Variants in LTV1 observed in about 807,000 individuals in gnomAD.
LTV1 encodes the protein LTV1 ribosome biogenesis factor, also known as protein LTV1 homolog.
In LTV1, 39 loss-of-function variants were observed where a neutral mutation model predicts 59.9. The ratio of observed to expected loss-of-function variants is 0.65; its 90% CI spans 0.50 to 0.85. The LOEUF is 0.85. LTV1 is among the 40% of genes least tolerant of loss of function. The pLI is 0.00. For synonymous variants in LTV1, 171 were observed against 189.5 expected (o/e 0.90, Z 0.80); for missense variants, 493 against 549.1 (o/e 0.90, Z 1.02).
chr6:143,857,223 A>T lies in LTV1; in HGVS notation c.398-80A>T. On this transcript the variant is annotated intron_variant, in intron 4 of 10. Coordinates refer to ENST00000367576, the MANE Select transcript of LTV1 (RefSeq NM_032860.5). This position sits in a 1 kb window ranked among gnomAD's most constrained non-coding sequence, Gnocchi z 5.2. ...AATATATTAATAGACTCTTGCTATC[A>T]TAGGTCCTTATATTGTGAGTTAAGT... 2 of 1,525,210 alleles carry T rather than the reference A, an allele frequency of 1.3e-6. No individual in the cohort carries two copies. The highest frequency in any genetic ancestry group is 1.7e-5 in the Admixed American group (1 of 57,460). 94.5% of individuals were successfully genotyped at this position (1,525,210 alleles called of 1,614,324 possible).
In LTV1 at chr6:143,855,195, A is replaced by G. The variant is rs963517202; in HGVS notation, c.398-2108A>G. Among the ~76,000 whole-genome samples the G allele has an allele frequency of 6.6e-6, 1 of 152,150 alleles. No homozygotes were observed. The highest frequency in any genetic ancestry group is 2.4e-5 in the African/African-American group (1 of 41,430). ...TTGTTGCATTGTTCCCTTTACTATTATGTAATGCCCTTCTTTGTGTTTTTT... is the reference window on the plus strand; with the variant it reads ...TTGTTGCATTGTTCCCTTTACTATTGTGTAATGCCCTTCTTTGTGTTTTTT... On this transcript the variant is annotated intron_variant, in intron 4 of 10. Transcript: ENST00000367576. The surrounding 1 kb of genome is among the most constrained non-coding windows in gnomAD (Gnocchi z 4.6).
intron 2 of LTV1, among the ~76,000 whole-genome samples, chr6:143,845,655 G>A (rs1582933028): frequency 1.3e-5 from 2 of 152,320 alleles, no homozygotes; most frequent in East Asian, 1.9e-4. Context: ...TGGGATTATA[G>A]GCATGAGCCA....
chr6:143,863,668 C>G lies in LTV1; in HGVS notation c.*141C>G. ...ATACAATATTTGTATTATTTTTATA[C>G]TAGTAAGTGTCCCCTGCCAACCATC... On this transcript the variant is annotated 3_prime_UTR_variant, in exon 11 of 11. Coordinates refer to ENST00000367576, the MANE Select transcript of LTV1 (RefSeq NM_032860.5). The surrounding 1 kb of genome is among the most constrained non-coding windows in gnomAD (Gnocchi z 4.5). 1 of 516,270 alleles carries G rather than the reference C, an allele frequency of 1.9e-6. No homozygotes were observed. Among genetic ancestry groups the G allele is most frequent in the Non-Finnish European group, 3.5e-6 (1 of 287,900 alleles). The allele number at this position is 516,270 out of a possible 1,614,324, so 32.0% of individuals were successfully genotyped here.
intron 3 of LTV1, among the ~76,000 whole-genome samples, chr6:143,848,427 C>T (rs1297397138): frequency 6.6e-6 from 1 of 152,134 alleles, no homozygotes; most frequent in Non-Finnish European, 1.5e-5. Flanking sequence ...TACTGAGAAA[C>T]TCATTTTGGA....
At chr6:143,859,437 T>C (rs1449101717) in intron 6 of LTV1, among the ~76,000 whole-genome samples, 1 of 152,230 alleles carries the variant, frequency 6.6e-6, no homozygotes, top group East Asian at 1.9e-4. Context: ...GAGAGTTCTT[T>C]GTATTTTGCT....
intron 1 of LTV1, 99 bp from the exon 2 acceptor site, chr6:143,844,387 C>G: frequency 7.6e-7 from 1 of 1,312,610 alleles, no homozygotes; most frequent in Non-Finnish European, 1.1e-6. Flanking sequence ...TAAAAAGTAT[C>G]TTTAACATGA....
rs1480244614 is a variant in LTV1, at chr6:143,844,567, T to G, written c.85T>G (p.Leu29Val). Reference protein sequence around the residue: ...HLVHRSQRDPLAADESAPQRV... With the variant: ...HLVHRSQRDPVAADESAPQRV... Reference sequence around the variant, plus strand: ...GGTCCACCGGAGCCAACGAGATCCTTTAGCAGCAGATGAGAGTGCACCCCA... The same window carrying G: ...GGTCCACCGGAGCCAACGAGATCCTGTAGCAGCAGATGAGAGTGCACCCCA... The change falls in exon 2 of 11, where the codon TTA becomes GTA. Residue 29 changes from leucine to valine, a missense_variant. Physicochemically the swap from Leu to Val is conservative, Grantham distance 32 (BLOSUM62 1). Coordinates refer to ENST00000367576, the MANE Select transcript of LTV1 (RefSeq NM_032860.5). 1 of 1,614,206 alleles carries G rather than the reference T, an allele frequency of 6.2e-7. No individual in the cohort carries two copies.
At chr6:143,849,033 G>A (rs1001488916) in intron 3 of LTV1, among the ~76,000 whole-genome samples, 1 of 152,172 alleles carries the variant, frequency 6.6e-6, no homozygotes, top group Non-Finnish European at 1.5e-5. Flanking sequence ...GAGAACCAGG[G>A]CCTTAAATAC....
chr6:143,844,387 C>A, intron 1 of LTV1, 99 bp from the exon 2 acceptor site: 1 of 1,312,604 alleles, frequency 7.6e-7, no homozygotes, highest in South Asian at 1.3e-5. Flanking sequence ...TAAAAAGTAT[C>A]TTTAACATGA....
At chr6:143,847,277 G>A (rs1353437943) in intron 3 of LTV1, among the ~76,000 whole-genome samples, 1 of 152,232 alleles carries the variant, frequency 6.6e-6, no homozygotes, top group Non-Finnish European at 1.5e-5. Flanking sequence ...GTTCCTTAGT[G>A]GCTCAACTTG....
intron 2 of LTV1, among the ~76,000 whole-genome samples, chr6:143,845,697 A>G (rs1183308495): frequency 6.6e-6 from 1 of 152,114 alleles, no homozygotes; most frequent in Non-Finnish European, 1.5e-5. Flanking sequence ...TTTTCTTATA[A>G]CCCTCCAAAT....
chr6:143,860,349 G>A, intron 6 of LTV1, 77 bp from the exon 7 acceptor site: 2 of 1,327,892 alleles, frequency 1.5e-6, no homozygotes, highest in Non-Finnish European at 2.1e-6. Context: ...TAAAGTTAAT[G>A]TAAAAAAATT....
rs1776857647 is a variant in LTV1 at position 143,844,578 on chromosome 6, T to C, written c.96T>C (p.Asp32=). Residue 32 remains aspartate (D), a synonymous_variant, in exon 2 of 11, where the codon GAT becomes GAC. Coordinates refer to ENST00000367576, the MANE Select transcript of LTV1 (RefSeq NM_032860.5). The stretch of plus-strand genomic sequence containing the variant: ...GCCAACGAGATCCTTTAGCAGCAGA[T>C]GAGAGTGCACCCCAGAGGGTTCTAT... ...HRSQRDPLAA[D]ESAPQRVLLP... 6.2e-7 allele frequency: 1 copy of C among 1,614,060 alleles called. No individual in the cohort carries two copies. Among genetic ancestry groups the C allele is most frequent in the African/African-American group, 1.3e-5 (1 of 75,008 alleles).
chr6:143,844,076 TA>T (rs1325590370), intron 1 of LTV1, among the ~76,000 whole-genome samples: 4 of 152,230 alleles, frequency 2.6e-5, no homozygotes, highest in African/African-American at 9.6e-5. Context: ...TACTCCAGAT[TA>T]TGTTGTGGCA....
Position 143,843,342 on chromosome 6 carries a change from C to A in LTV1, c.-136C>A. 9.3e-7 allele frequency: 1 copy of A among 1,080,676 alleles called. No individual in the cohort carries two copies. The highest frequency in any genetic ancestry group is 1.5e-5 in the African/African-American group (1 of 64,840). 66.9% of individuals were successfully genotyped at this position (1,080,676 alleles called of 1,614,324 possible). ...TCCGTTTCCACGGCCGGCTGGGTGA[C>A]GTTATCGCCGGGTCCTGGGGCTGCA... is the stretch of plus-strand genomic sequence containing the variant. On this transcript the variant is annotated 5_prime_UTR_variant, in exon 1 of 11. Transcript: ENST00000367576.
At chr6:143,860,641 G>T (rs1185957296) in intron 7 of LTV1, 88 bp downstream of exon 7, 1 of 1,160,880 alleles carries the variant, frequency 8.6e-7, no homozygotes, top group East Asian at 2.7e-5. Context: ...TAACTGAATT[G>T]AGGAAAAAAT....
At position 143,860,542 on chromosome 6, in the gene LTV1, G is replaced by A. The variant is rs1777145768; in HGVS notation, c.912G>A (p.Glu304=). The A allele has an allele frequency of 2.5e-6, 4 of 1,610,568 alleles. No individual in the cohort carries two copies. Among genetic ancestry groups the A allele is most frequent in the Non-Finnish European group, 2.5e-6 (3 of 1,178,846 alleles). Reference sequence around the variant, plus strand: ...AAGTTTTGAATGACTACTATAAAGAGAAGGCAGAGAAGTATAGTGACTTTT... The same window carrying A: ...AAGTTTTGAATGACTACTATAAAGAAAAGGCAGAGAAGTATAGTGACTTTT... ...LQEVLNDYYK[E]KAENCVKLNT... is the part of the protein sequence containing the mutation. The change falls in exon 7 of 11, where the codon GAG becomes GAA. Residue 304 remains glutamate, a synonymous_variant. Coordinates refer to ENST00000367576, the MANE Select transcript of LTV1 (RefSeq NM_032860.5).
chr6:143,857,743 T>G lies in LTV1; in HGVS notation c.540-9T>G. 6.2e-7 allele frequency: 1 copy of G among 1,613,826 alleles called. No homozygotes were observed. Among genetic ancestry groups the G allele is most frequent in the Non-Finnish European group, 8.5e-7 (1 of 1,179,758 alleles). ...TGTTTTGGTAGGTAATTTATGACCT[T>G]TACTTTAGGAAATCTGAGAATGAAG... is the stretch of plus-strand genomic sequence containing the variant. On this transcript the variant is annotated splice_polypyrimidine_tract_variant and intron_variant, in intron 5 of 10. Coordinates refer to ENST00000367576, the MANE Select transcript of LTV1 (RefSeq NM_032860.5). The surrounding 1 kb of genome is among the most constrained non-coding windows in gnomAD (Gnocchi z 5.2).
Position 143,857,852 on chromosome 6 carries a change from G to A in LTV1, c.640G>A (p.Asp214Asn). The A allele has an allele frequency of 1.9e-6, 3 of 1,614,156 alleles. No homozygotes were observed. Among genetic ancestry groups the A allele is most frequent in the East Asian group, 4.5e-5 (2 of 44,878 alleles). ...YDSAGLLSDE[D>N]CMSVPGKTHR... ...CTCTGCAGGCCTATTGTCAGATGAA[G>A]ACTGTATGTCTGTGCCCGGAAAAAC... is the stretch of plus-strand genomic sequence containing the variant. Residue 214 changes from aspartate (D) to asparagine (N), a missense_variant, in exon 6 of 11, where the codon GAC becomes AAC. By Grantham distance (23) the Asp-to-Asn change is conservative. Transcript: ENST00000367576. This position sits in a 1 kb window ranked among gnomAD's most constrained non-coding sequence, Gnocchi z 5.2.
Sources: gnomAD v4.1 joint callset for allele counts (sites outside exome capture counted in the v4.1 genomes callset) on GRCh38, gnomAD v4.1.1 for gene constraint, Gnocchi (gnomAD v3.1) non-coding constraint, MANE v1.5 for transcripts, NCBI Gene and HGNC (gene_info 2026-07-23, HGNC 2026-07-21) for gene names.